The following FTCD variants were observed in gnomAD, a reference collection of about 807,000 sequenced individuals.
The protein encoded by FTCD is formimidoyltransferase-cyclodeaminase.
A neutral mutation model predicts 62.9 loss-of-function variants in FTCD; 76 were observed. The observed-to-expected ratio is 1.21, with a 90% CI of 1.00 to 1.46. FTCD has a LOEUF of 1.46. Among genes scored for constraint, FTCD ranks in the 40% most tolerant of loss-of-function variants. The pLI, the probability that FTCD is intolerant of heterozygous loss-of-function variation, is 0.00. For synonymous variants in FTCD, 397 were observed against 336.9 expected (o/e 1.18, Z -1.95); for missense variants, 845 against 751.3 (o/e 1.12, Z -1.46).
In FTCD at chr21:46,150,412, G is replaced by A. The variant is rs112148465; in HGVS notation, c.750C>T (p.Tyr250=). Residue 250 remains tyrosine, a synonymous_variant, in exon 6 of 14, where the codon TAC becomes TAT. Coordinates refer to ENST00000397746, the MANE Select transcript of FTCD (RefSeq NM_206965.2). ...DFEVTALHTV[Y]EETCREAQEL... is the part of the protein sequence containing the mutation. ...CCTGTGCTTCTCGGCAGGTCTCCTC[G>A]TAGACCGTGTGCAGTGCCGTGACCT... is the stretch of plus-strand genomic sequence containing the variant. 699 of 1,612,920 alleles carry A rather than the reference G, an allele frequency of 4.3e-4. No homozygotes were observed. Among genetic ancestry groups the A allele is most frequent in the Non-Finnish European group, 4.5e-4 (536 of 1,179,922 alleles).
In FTCD at chr21:46,150,380, G is replaced by A. The variant is rs376535385; in HGVS notation, c.774+8C>T. ...CCTCACAGCAGCAGCGGCTGCTCCC[G>A]GGCTCACCTGTGCTTCTCGGCAGGT... On this transcript the variant is annotated splice_region_variant and intron_variant, in intron 6 of 13. Coordinates refer to ENST00000397746, the MANE Select transcript of FTCD (RefSeq NM_206965.2). 56 of 1,611,896 alleles carry A rather than the reference G, an allele frequency of 3.5e-5. No homozygotes were observed. Among genetic ancestry groups the A allele is most frequent in the South Asian group, 1.6e-4 (15 of 91,046 alleles).
rs1349651553 is a variant in FTCD at position 46,145,428 on chromosome 21, T to C, written c.1249A>G (p.Thr417Ala). 6.4e-7 allele frequency: 1 copy of C among 1,553,212 alleles called. No individual in the cohort carries two copies. The highest frequency in any genetic ancestry group is 1.9e-5 in the Admixed American group (1 of 52,734). ...TLVDADAEAFTAYLEAMRLPK... is the reference protein window; with the variant it reads ...TLVDADAEAFAAYLEAMRLPK... The stretch of plus-strand genomic sequence containing the variant: ...TGGCCGCCACTCACCAGGTAGGCGG[T>C]GAAGGCCTCGGCGTCGGCATCCACC... Residue 417 changes from threonine to alanine, a missense_variant, in exon 10 of 14, where the codon ACC becomes GCC. Physicochemically the swap from Thr to Ala is moderately conservative, Grantham distance 58. Transcript: ENST00000397746.
rs138620208 is a variant in FTCD, at chr21:46,136,999, G to A, written c.1614C>T (p.Thr538=). ...QAALVLDCLE[T]RQE ...GCCTCCCGCACCGTCACTCCTGCCG[G>A]GTCTCCAAGCAGTCCAGCACCAGTG... is the stretch of plus-strand genomic sequence containing the variant. Residue 538 remains threonine, a synonymous_variant, in exon 14 of 14, where the codon ACC becomes ACT. Coordinates refer to ENST00000397746, the MANE Select transcript of FTCD (RefSeq NM_206965.2). The A allele has an allele frequency of 1.5e-4, 234 of 1,613,416 alleles. 1 individual carries two copies. The highest frequency in any genetic ancestry group is 5.0e-4 in the Admixed American group (30 of 60,030).
intron 8 of FTCD, 27 bp downstream of exon 8, chr21:46,146,239 G>A: frequency 6.5e-7 from 1 of 1,538,776 alleles, no homozygotes; most frequent in Non-Finnish European, 8.9e-7. Flanking sequence ...GGAGGGGTGA[G>A]AAGAGGGCGG....
At chr21:46,152,612 G>C in intron 3 of FTCD, 1 of 334,114 alleles carries the variant, frequency 3.0e-6, no homozygotes, top group Non-Finnish European at 5.5e-6. Context: ...TCTTGATTTA[G>C]TTAATTTCCC....
At position 46,145,452 on chromosome 21, in the gene FTCD, C is replaced by A; in HGVS notation, c.1225G>T (p.Val409Leu). 1 of 1,560,180 alleles carries A rather than the reference C, an allele frequency of 6.4e-7. No homozygotes were observed. Among genetic ancestry groups the A allele is most frequent in the Non-Finnish European group, 8.7e-7 (1 of 1,153,098 alleles). Residue 409 changes from valine to leucine, a missense_variant, in exon 10 of 14, where the codon GTG (valine) becomes TTG (leucine). Transcript: ENST00000397746. ...REASAKLTTL[V>L]DADAEAFTAY... is the part of the protein sequence containing the mutation. ...GTGAAGGCCTCGGCGTCGGCATCCA[C>A]CAGCGTGGTTAGCTTGGCCGAAGCC...
At chr21:46,146,538 A>G (rs2079152234) in intron 7 of FTCD, 6 of 597,592 alleles carry the variant, frequency 1.0e-5, no homozygotes, top group South Asian at 9.9e-5. Flanking sequence ...CACCCCGTAC[A>G]GGCTTCTGGA....
Position 46,136,956 on chromosome 21 carries a change from G to A in FTCD, c.*31C>T. The A allele has an allele frequency of 6.2e-7, 1 of 1,612,602 alleles. No individual in the cohort carries two copies. The highest frequency in any genetic ancestry group is 8.5e-7 in the Non-Finnish European group (1 of 1,179,874). ...CCCTCTGGGGATGGGCGAGGGAGGG[G>A]CCACAGAGCCCGGAGAGGCCTCCCG... On this transcript the variant is annotated 3_prime_UTR_variant, in exon 14 of 14. Transcript: ENST00000397746.
rs201062164 is a variant in FTCD at position 46,155,570 on chromosome 21, C to A, written c.-47G>T. 6.5e-7 allele frequency: 1 copy of A among 1,548,498 alleles called. No homozygotes were observed. The highest frequency in any genetic ancestry group is 2.2e-5 in the East Asian group (1 of 44,564). On this transcript the variant is annotated 5_prime_UTR_variant, in exon 1 of 14. Coordinates refer to ENST00000397746, the MANE Select transcript of FTCD (RefSeq NM_206965.2). Reference sequence around the variant, plus strand: ...GCTCCTCTCTGGGCAGATGGAAGGACAGGGCCAGTGCTCCGCAGCCGCCGC... The same window carrying A: ...GCTCCTCTCTGGGCAGATGGAAGGAAAGGGCCAGTGCTCCGCAGCCGCCGC...
At chr21:46,142,233 G>A (rs2079026663) in intron 10 of FTCD, 1 of 152,318 alleles carries the variant, frequency 6.6e-6, no homozygotes, top group Non-Finnish European at 1.5e-5. Context: ...GCGGGTTCGT[G>A]GTCTTGCCTG....
At chr21:46,145,381 TG>T (rs764183982) in intron 10 of FTCD, 35 bp downstream of exon 10, 4 of 1,507,262 alleles carry the variant, frequency 2.7e-6, no homozygotes, top group African/African-American at 2.8e-5. Context: ...TCGCTGTTGG[TG>T]GGGCCCGGGG....
intron 7 of FTCD, 120 bp downstream of exon 7, chr21:46,149,999 C>A: frequency 1.0e-6 from 1 of 970,720 alleles, no homozygotes; most frequent in Admixed American, 2.0e-5. Context: ...GAACACAAGT[C>A]AATAAAATGA....
At position 46,151,664 on chromosome 21, in the gene FTCD, C is replaced by A. The variant is rs760709342; in HGVS notation, c.530G>T (p.Gly177Val). The A allele has an allele frequency of 1.9e-5, 31 of 1,612,958 alleles. No homozygotes were observed. The highest frequency in any genetic ancestry group is 2.5e-5 in the Non-Finnish European group (29 of 1,179,972). Reference sequence around the variant, plus strand: ...AAAAGCAATGAGGAACTTCCTCGCCCCCGTGGCCGTGGCCCCCCAACTGGG... The same window carrying A: ...AAAAGCAATGAGGAACTTCCTCGCCACCGTGGCCGTGGCCCCCCAACTGGG... ...FVPSWGATAT[G>V]ARKFLIAFNI... is the part of the protein sequence containing the mutation. Residue 177 changes from glycine (G) to valine (V), a missense_variant, in exon 5 of 14, where the codon GGG becomes GTG. Gly to Val is a moderately radical substitution (Grantham distance 109). Transcript: ENST00000397746.
In FTCD at chr21:46,138,741, C is replaced by T. The variant is rs556333001; in HGVS notation, c.1305-95G>A. On this transcript the variant is annotated intron_variant, in intron 11 of 13. Transcript: ENST00000397746. ...AACAGGGCTGAGCAGGCTGCAGAAG[C>T]GGGCGATGGGAAGTCATTCCCAAAC... 1.1e-4 allele frequency: 157 copies of T among 1,477,574 alleles called. 1 individual carries two copies. The highest frequency in any genetic ancestry group is 8.3e-4 in the East Asian group (37 of 44,396). The allele number at this position is 1,477,574 out of a possible 1,614,324, so 91.5% of individuals were successfully genotyped here.
At chr21:46,141,297 G>T (rs979495470) in intron 10 of FTCD, among the ~76,000 whole-genome samples, 1 of 142,708 alleles carries the variant, frequency 7.0e-6, no homozygotes, top group Non-Finnish European at 1.5e-5. Context: ...TACCACGCCT[G>T]GCTTTATTTT....
chr21:46,149,084 G>A (rs1455247469), intron 7 of FTCD, among the ~76,000 whole-genome samples: 4 of 152,226 alleles, frequency 2.6e-5, no homozygotes, highest in East Asian at 1.9e-4. Context: ...AAATAAATGG[G>A]GCAAAATGCA....
chr21:46,151,976 G>A lies in FTCD; in HGVS notation c.372C>T (p.Tyr124=), dbSNP rs777286639. The change falls in exon 4 of 14, where the codon TAC becomes TAT. Residue 124 remains tyrosine (Y), a synonymous_variant. Coordinates refer to ENST00000397746, the MANE Select transcript of FTCD (RefSeq NM_206965.2). ...CCATCCTGGCTGCCTCGCCGTACAG[G>A]TAAACTGCAGGAGAGCCCGGCGGTC... The part of the protein sequence containing the change: ...RLAEELDVPV[Y]LYGEAARMDS... The A allele has an allele frequency of 3.2e-6, 5 of 1,564,498 alleles. No homozygotes were observed. Among genetic ancestry groups the A allele is most frequent in the African/African-American group, 1.4e-5 (1 of 73,838 alleles).
At chr21:46,152,317 T>C in intron 3 of FTCD, 1 of 299,062 alleles carries the variant, frequency 3.3e-6, no homozygotes. Context: ...CACATAAATA[T>C]AACGGCAGAG....
chr21:46,137,120 C>T (rs757865537), intron 13 of FTCD, 47 bp from the exon 14 acceptor site: 10 of 1,612,184 alleles, frequency 6.2e-6, no homozygotes, highest in Non-Finnish European at 8.5e-6. Context: ...AGTCTTCAGC[C>T]CAGCTTGCTG....
Sources: gnomAD v4.1 joint callset for allele counts (sites outside exome capture counted in the v4.1 genomes callset) on GRCh38, gnomAD v4.1.1 for gene constraint, MANE v1.5 for transcripts, NCBI Gene and HGNC (gene_info 2026-07-23, HGNC 2026-07-21) for gene names.